ZBTB20: variants seen among roughly 807,000 people sequenced by gnomAD.
ZBTB20 encodes the protein zinc finger and BTB domain containing 20.
Under a neutral mutation model 56.9 loss-of-function variants are expected in ZBTB20, and 9 were observed. That is an observed-to-expected ratio of 0.16 (90% CI 0.10 to 0.28). ZBTB20 has a LOEUF of 0.28. ZBTB20 is among the 10% of genes least tolerant of loss of function. The pLI is 1.00. For missense variants in ZBTB20, 655 were observed against 1,003.0 expected (o/e 0.65, Z 4.69); for synonymous variants, 417 against 420.7 (o/e 0.99, Z 0.11).
chr3:115,061,237 A>C (rs1217192465), intron 2 of ZBTB20, among the ~76,000 whole-genome samples: 1 of 152,182 alleles, frequency 6.6e-6, no homozygotes, highest in Non-Finnish European at 1.5e-5. Flanking sequence ...GGTATGACCT[A>C]CTGCCTACTG....
intron 11 of ZBTB20, 116 bp downstream of exon 11, chr3:114,350,158 T>C: frequency 7.1e-7 from 1 of 1,409,572 alleles, no homozygotes; most frequent in Non-Finnish European, 9.6e-7. Context: ...TGTGGTGGGG[T>C]CTGTTTAAAA....
chr3:114,844,532 A>AAAAAAAAAAAC (rs2074571210), intron 4 of ZBTB20, among the ~76,000 whole-genome samples: 1 of 138,900 alleles, frequency 7.2e-6, no homozygotes, highest in African/African-American at 2.7e-5. Flanking sequence ...AAAAAAAAAA[A>AAAAAAAAAAAC]AAAAAAAAAA....
intron 2 of ZBTB20, among the ~76,000 whole-genome samples, chr3:115,017,831 A>C (rs540921950): frequency 6.6e-6 from 1 of 151,652 alleles, no homozygotes; most frequent in South Asian, 2.1e-4. Context: ...AGTCTAATTG[A>C]GGTAGAAATA....
chr3:114,561,114 TACA>T (rs1157161226), intron 6 of ZBTB20, among the ~76,000 whole-genome samples: 2 of 152,228 alleles, frequency 1.3e-5, no homozygotes, highest in Admixed American at 1.3e-4. Context: ...AGTATGAAAG[TACA>T]ACAATTCAGT....
At chr3:114,371,761 G>A (rs981329217) in intron 10 of ZBTB20, among the ~76,000 whole-genome samples, 1 of 152,140 alleles carries the variant, frequency 6.6e-6, no homozygotes, top group Non-Finnish European at 1.5e-5. Context: ...GGAAACTTTC[G>A]TTATAACACT....
chr3:114,905,827 A>G (rs2075298138), intron 3 of ZBTB20, among the ~76,000 whole-genome samples: 1 of 151,864 alleles, frequency 6.6e-6, no homozygotes. Context: ...GACAAGAATG[A>G]GTTGTCCAAA....
At chr3:114,579,210 TA>T (rs1297207165) in intron 6 of ZBTB20, among the ~76,000 whole-genome samples, 2 of 151,632 alleles carry the variant, frequency 1.3e-5, no homozygotes, top group African/African-American at 4.8e-5. Flanking sequence ...CAAAATAAGC[TA>T]AAAAAAGTTT....
intron 6 of ZBTB20, among the ~76,000 whole-genome samples, chr3:114,517,491 C>T (rs1378337382): frequency 2.0e-5 from 3 of 152,072 alleles, no homozygotes; most frequent in Non-Finnish European, 4.4e-5. Context: ...GCACGTTAAA[C>T]CACAGGCAGT....
intron 1 of ZBTB20, among the ~76,000 whole-genome samples, chr3:115,134,712 T>C (rs1450963788): frequency 1.3e-5 from 2 of 152,224 alleles, no homozygotes; most frequent in Non-Finnish European, 2.9e-5. Context: ...TTTTCGCCAG[T>C]AGTCCTAGTT....
At chr3:114,798,411 A>T (rs1480261136) in intron 5 of ZBTB20, among the ~76,000 whole-genome samples, 1 of 151,992 alleles carries the variant, frequency 6.6e-6, no homozygotes, top group Non-Finnish European at 1.5e-5. Flanking sequence ...ATACTCCTTT[A>T]TATATGAATT....
rs114057427 is a variant in ZBTB20 at position 114,807,433 on chromosome 3, C to T, written c.-416-6259G>A. Among the ~76,000 whole-genome samples, 1,513 of 151,972 alleles carry T rather than the reference C, an allele frequency of 1.0e-2. 25 individuals carry two copies. The highest frequency in any genetic ancestry group is 0.034 in the African/African-American group (1,396 of 41,484). ...CCCTTCTCTTTCCCTTCCCCTCCCC[C>T]TCCCCTGCAGCTGCTGCTGCTTCTT... On this transcript the variant is annotated intron_variant, in intron 4 of 11. Transcript: ENST00000675478.
chr3:115,126,130 GA>G (rs1043842183), intron 1 of ZBTB20, among the ~76,000 whole-genome samples: 2 of 152,118 alleles, frequency 1.3e-5, no homozygotes, highest in Non-Finnish European at 2.9e-5. Flanking sequence ...TGAGAAGCAA[GA>G]AAGTTCACAT....
chr3:114,424,528 G>GA lies in ZBTB20; in HGVS notation c.-254-35424dup, dbSNP rs142929498. On this transcript the variant is annotated intron_variant, in intron 7 of 11. Coordinates refer to ENST00000675478, the MANE Select transcript of ZBTB20 (RefSeq NM_001348800.3). ...TAGAAGTGCTGACGTTCACTGCTTT[G>GA]AAAGTTGCTATTCTAATGCCAAAGC... 8.4e-3 allele frequency among the ~76,000 whole-genome samples: 1,279 copies of GA among 152,290 alleles called. 11 individuals are homozygous for GA. Among genetic ancestry groups the GA allele is most frequent in the Non-Finnish European group, 0.014 (969 of 68,018 alleles).
chr3:114,917,201 G>C (rs1285218528), intron 3 of ZBTB20, among the ~76,000 whole-genome samples: 1 of 152,064 alleles, frequency 6.6e-6, no homozygotes, highest in Non-Finnish European at 1.5e-5. Context: ...TTCACCTCCA[G>C]AATTTCTGTT....
chr3:114,672,406 T>C (rs1045065817), intron 6 of ZBTB20, among the ~76,000 whole-genome samples: 8 of 152,114 alleles, frequency 5.3e-5, no homozygotes. Flanking sequence ...AAATTAAACA[T>C]TGCAAATCCA....
intron 10 of ZBTB20, among the ~76,000 whole-genome samples, chr3:114,377,375 C>T (rs2083767743): frequency 6.6e-6 from 1 of 152,200 alleles, no homozygotes; most frequent in South Asian, 2.1e-4. Flanking sequence ...CATATCTCAA[C>T]TATATTTCTT....
intron 6 of ZBTB20, among the ~76,000 whole-genome samples, chr3:114,657,687 T>C (rs2060490048): frequency 6.6e-6 from 1 of 152,202 alleles, no homozygotes; most frequent in South Asian, 2.1e-4. Context: ...CCATACAGAC[T>C]GGGAAGTTCC....
intron 6 of ZBTB20, among the ~76,000 whole-genome samples, chr3:114,530,067 C>G (rs575345716): frequency 6.6e-6 from 1 of 152,306 alleles, no homozygotes; most frequent in Admixed American, 6.5e-5. Flanking sequence ...TCATAGTGAT[C>G]ATAACATCAC....
At chr3:114,745,663 A>C (rs906046396) in intron 5 of ZBTB20, among the ~76,000 whole-genome samples, 1 of 152,174 alleles carries the variant, frequency 6.6e-6, no homozygotes, top group Non-Finnish European at 1.5e-5. Context: ...CACACTTCCA[A>C]CTTGAAAGAA....
Sources: allele counts gnomAD v4.1 joint callset (sites outside exome capture counted in the v4.1 genomes callset), GRCh38; gene constraint gnomAD v4.1.1; transcripts MANE v1.5; gene names NCBI Gene and HGNC (gene_info 2026-07-23, HGNC 2026-07-21).